ZNF219: variants seen among roughly 807,000 people sequenced by gnomAD.
The protein encoded by ZNF219 is zinc finger protein 219.
ZNF219 carries 17 observed loss-of-function variants against 54.4 expected under a neutral mutation model. The ratio of observed to expected loss-of-function variants is 0.31; its 90% CI spans 0.21 to 0.47. The LOEUF (loss-of-function observed/expected upper bound fraction) is 0.47. Ranked by LOEUF, ZNF219 falls within the 20% of genes least tolerant of loss-of-function variation. The pLI, the probability that ZNF219 is intolerant of heterozygous loss-of-function variation, is 1.00. For synonymous variants in ZNF219, 518 were observed against 476.4 expected, an observed-to-expected ratio of 1.09 and a Z score of -1.14; for missense variants, 1,014 against 1,062.3, an observed-to-expected ratio of 0.95 and a Z score of 0.63.
upstream of ZNF219, among the ~76,000 whole-genome samples, chr14:21,100,759 G>A (rs560502690): frequency 6.6e-6 from 1 of 152,268 alleles, no homozygotes; most frequent in South Asian, 2.1e-4. Context: ...AGTAATGACA[G>A]GGGACCAATC....
At chr14:21,095,230 C>T (rs890801734) in intron 1 of ZNF219, among the ~76,000 whole-genome samples, 2 of 152,188 alleles carry the variant, frequency 1.3e-5, no homozygotes, top group Non-Finnish European at 2.9e-5. Context: ...ACAAAGTGTC[C>T]TTGTCCAAGG....
intron 2 of ZNF219, 140 bp downstream of exon 2, chr14:21,093,446 G>T (rs1182370754): frequency 2.1e-6 from 3 of 1,417,548 alleles, no homozygotes; most frequent in African/African-American, 2.8e-5. Flanking sequence ...AGATGGGGTG[G>T]GGGGAGGTGT....
In ZNF219 at chr14:21,091,973, G is replaced by C; in HGVS notation, c.1324C>G (p.Arg442Gly). The C allele has an allele frequency of 6.3e-7, 1 of 1,575,056 alleles. No individual in the cohort carries two copies. The highest frequency in any genetic ancestry group is 8.6e-7 in the Non-Finnish European group (1 of 1,160,782). Reference sequence around the variant, plus strand: ...GCCAGAGAGCCCAGCGACCTGCCCCGGGCCCAGGTTTCCTCCTCGGCCTCC... The same window carrying C: ...GCCAGAGAGCCCAGCGACCTGCCCCCGGCCCAGGTTTCCTCCTCGGCCTCC... The part of the protein sequence containing the change: ...VVEAEEETWA[R>G]GRSLGSLASL... Residue 442 changes from arginine to glycine, a missense_variant, in exon 3 of 5, where the codon CGG (arginine) becomes GGG (glycine). By Grantham distance (125) the Arg-to-Gly change is moderately radical. Coordinates refer to ENST00000360947, the MANE Select transcript of ZNF219 (RefSeq NM_016423.3).
chr14:21,103,924 G>A (rs1290226558), upstream of ZNF219: 1 of 152,402 alleles, frequency 6.6e-6, no homozygotes, highest in Non-Finnish European at 1.5e-5. Flanking sequence ...TCAGAGACTG[G>A]CGAGGGCTCG....
chr14:21,095,795 G>A (rs956543296), intron 1 of ZNF219, among the ~76,000 whole-genome samples: 2 of 152,160 alleles, frequency 1.3e-5, no homozygotes, highest in Admixed American at 6.5e-5. Flanking sequence ...GTACCAGAGG[G>A]ATTATTTTGG....
chr14:21,101,738 C>A, upstream of ZNF219: 2 of 749,920 alleles, frequency 2.7e-6, no homozygotes, highest in Admixed American at 2.8e-5. Flanking sequence ...CACGTCCTTG[C>A]TCTGGGTTGA....
chr14:21,091,983 T>C lies in ZNF219; in HGVS notation c.1314A>G (p.Glu438=), dbSNP rs765539025. 3.0e-5 allele frequency: 47 copies of C among 1,566,850 alleles called. No homozygotes were observed. The highest frequency in any genetic ancestry group is 3.8e-5 in the Non-Finnish European group (44 of 1,156,346). The change falls in exon 3 of 5, where the codon GAA becomes GAG. Residue 438 remains glutamate (E), a synonymous_variant. Coordinates refer to ENST00000360947, the MANE Select transcript of ZNF219 (RefSeq NM_016423.3). ...CCAGCGACCTGCCCCGGGCCCAGGT[T>C]TCCTCCTCGGCCTCCACCACCTCCT... ...EEEEVVEAEE[E]TWARGRSLGS...
Position 21,090,428 on chromosome 14 carries a change from G to T in ZNF219, c.*108C>A. On this transcript the variant is annotated 3_prime_UTR_variant, in exon 5 of 5. Coordinates refer to ENST00000360947, the MANE Select transcript of ZNF219 (RefSeq NM_016423.3). The surrounding 1 kb of genome is among the most constrained non-coding windows in gnomAD (Gnocchi z 4.4). ...TCCACCTCTGGTCCGCCTGGGGCTG[G>T]GATATGGGTCCCACGCTGCCCCCTG... The T allele has an allele frequency of 1.4e-6, 2 of 1,416,176 alleles. No homozygotes were observed. Among genetic ancestry groups the T allele is most frequent in the South Asian group, 1.4e-5 (1 of 72,438 alleles). 87.7% of individuals were successfully genotyped at this position (1,416,176 alleles called of 1,614,324 possible).
chr14:21,102,292 GT>G (rs1348504542), upstream of ZNF219: 1 of 1,433,658 alleles, frequency 7.0e-7, no homozygotes, highest in Non-Finnish European at 9.5e-7. Context: ...TTATGGCCCT[GT>G]TTGGAGGCTG....
At chr14:21,094,251 CAG>C (rs979817822) in intron 1 of ZNF219, 9 of 407,066 alleles carry the variant, frequency 2.2e-5, no homozygotes, top group African/African-American at 6.1e-5. Context: ...CTCCCAGCAG[CAG>C]AGTCTGAAGA....
At position 21,091,911 on chromosome 14, in the gene ZNF219, G is replaced by A; in HGVS notation, c.1386C>T (p.His462=). 6.3e-7 allele frequency: 1 copy of A among 1,593,768 alleles called. No homozygotes were observed. The highest frequency in any genetic ancestry group is 1.1e-5 in the South Asian group (1 of 88,282). The change falls in exon 3 of 5, where the codon CAC becomes CAT. Residue 462 remains histidine (H), a synonymous_variant. Coordinates refer to ENST00000360947, the MANE Select transcript of ZNF219 (RefSeq NM_016423.3). Reference sequence around the variant, plus strand: ...CCTGGGCCCCAGCAGCAGAGGCAGAGTGCCCCGGTCCCTCACCCGGGCGCG... The same window carrying A: ...CCTGGGCCCCAGCAGCAGAGGCAGAATGCCCCGGTCCCTCACCCGGGCGCG... ...LHPRPGEGPG[H]SASAAGAQAR...
intron 1 of ZNF219, chr14:21,094,473 C>T (rs950317661): frequency 4.4e-6 from 2 of 451,546 alleles, no homozygotes; most frequent in African/African-American, 2.0e-5. Context: ...AGGGCTGTTC[C>T]GAGGCAGGCT....
chr14:21,099,814 C>T (rs1889525169), upstream of ZNF219, among the ~76,000 whole-genome samples: 1 of 152,146 alleles, frequency 6.6e-6, no homozygotes, highest in Non-Finnish European at 1.5e-5. Flanking sequence ...GCCAAGGGCA[C>T]CTAGGTAGAT....
In ZNF219 at chr14:21,093,672, G is replaced by A. The variant is rs1450077757; in HGVS notation, c.-81C>T. The A allele has an allele frequency of 6.2e-7, 1 of 1,613,982 alleles. No homozygotes were observed. The highest frequency in any genetic ancestry group is 8.5e-7 in the Non-Finnish European group (1 of 1,179,942). ...GCTAATGAAGGCAACAGGTGCTGTGGAGCTAAAGCAAGAGACAGATTTGGA... is the reference window on the plus strand; with the variant it reads ...GCTAATGAAGGCAACAGGTGCTGTGAAGCTAAAGCAAGAGACAGATTTGGA... On this transcript the variant is annotated splice_region_variant and 5_prime_UTR_variant, in exon 2 of 5. Coordinates refer to ENST00000360947, the MANE Select transcript of ZNF219 (RefSeq NM_016423.3).
At chr14:21,101,832 GT>G (rs1239568541), upstream of ZNF219, 5 of 1,513,566 alleles carry the variant, frequency 3.3e-6, no homozygotes, top group Middle Eastern at 1.7e-4. Context: ...ATCCCTGACA[GT>G]TCCTCCCCAA....
In ZNF219 at chr14:21,098,501, G is replaced by C; in HGVS notation, c.-273C>G. The stretch of plus-strand genomic sequence containing the variant: ...CCCGGCCCTGGCCCGCATTGTGTGC[G>C]GCGGGAGGCGGCCCGGCCATTAGCA... On this transcript the variant is annotated 5_prime_UTR_variant, in exon 1 of 5. Transcript: ENST00000360947. The C allele has an allele frequency of 5.1e-6, 5 of 983,534 alleles. No individual in the cohort carries two copies. The highest frequency in any genetic ancestry group is 6.0e-6 in the Non-Finnish European group (5 of 829,214). 60.9% of individuals were successfully genotyped at this position (983,534 alleles called of 1,614,324 possible). A position where few individuals can be genotyped will look rare whatever the true frequency, so the allele number is the denominator to read the frequency against.
chr14:21,091,295 T>C (rs921726323), intron 4 of ZNF219, 116 bp downstream of exon 4: 1 of 1,516,100 alleles, frequency 6.6e-7, no homozygotes, highest in Non-Finnish European at 8.9e-7. Flanking sequence ...TCCCAAGTGA[T>C]CTCATCCAGC....
rs1566548033 is a variant in ZNF219 at position 21,091,943 on chromosome 14, G to A, written c.1354C>T (p.Leu452=). The change falls in exon 3 of 5, where the codon CTG becomes TTG. Residue 452 remains leucine, a synonymous_variant. Transcript: ENST00000360947. The part of the protein sequence containing the change: ...RGRSLGSLAS[L]HPRPGEGPGH... ...GGTCCCTCACCCGGGCGCGGGTGCA[G>A]GGAAGCCAGAGAGCCCAGCGACCTG... The A allele has an allele frequency of 1.9e-6, 3 of 1,603,574 alleles. No homozygotes were observed. In the East Asian group the frequency reaches 6.8e-5, roughly 36 times the overall value.
Position 21,092,194 on chromosome 14 carries a change from G to A in ZNF219, c.1103C>T (p.Thr368Ile). The part of the protein sequence containing the change: ...GPALLLAPAP[T>I]PAERREPPSL... ...CGGGGGCTCACGGCGCTCGGCCGGGGTGGGAGCCGGGGCCAAGAGGAGCGC... is the reference window on the plus strand; with the variant it reads ...CGGGGGCTCACGGCGCTCGGCCGGGATGGGAGCCGGGGCCAAGAGGAGCGC... Residue 368 changes from threonine to isoleucine, a missense_variant, in exon 3 of 5, where the codon ACC becomes ATC. Physicochemically the swap from Thr to Ile is moderately conservative, Grantham distance 89. Around this residue, in one of 5 missense-constraint regions of ZNF219, gnomAD observed 272 missense variants for 248.9 expected, o/e 1.09. Coordinates refer to ENST00000360947, the MANE Select transcript of ZNF219 (RefSeq NM_016423.3). 7.0e-7 allele frequency: 1 copy of A among 1,438,362 alleles called. No individual in the cohort carries two copies. Among genetic ancestry groups the A allele is most frequent in the South Asian group, 1.5e-5 (1 of 68,120 alleles). The allele number at this position is 1,438,362 out of a possible 1,614,324, so 89.1% of individuals were successfully genotyped here. A position where few individuals can be genotyped will look rare whatever the true frequency, so the allele number is the denominator to read the frequency against.
Sources: gnomAD v4.1 joint callset for allele counts (sites outside exome capture counted in the v4.1 genomes callset) on GRCh38, gnomAD v4.1.1 for gene constraint, gnomAD v4.1.1 regional missense constraint, Gnocchi (gnomAD v3.1) non-coding constraint, MANE v1.5 for transcripts, NCBI Gene and HGNC (gene_info 2026-07-23, HGNC 2026-07-21) for gene names.